Variants in SEC16B observed in about 807,000 individuals in gnomAD.
SEC16B encodes SEC16 homolog B, endoplasmic reticulum export factor.
A neutral mutation model predicts 141.8 loss-of-function variants in SEC16B; 115 were observed. The observed-to-expected ratio is 0.81, with a 90% CI of 0.70 to 0.95. SEC16B has a LOEUF of 0.95. Ranked by LOEUF, SEC16B falls within the 40% of genes least tolerant of loss-of-function variation. The pLI is 0.00. For synonymous variants in SEC16B, 493 were observed against 492.5 expected, an observed-to-expected ratio of 1.00 and a Z score of -0.01; for missense variants, 1,291 against 1,312.3, an observed-to-expected ratio of 0.98 and a Z score of 0.25.
Position 177,946,420 on chromosome 1 carries a change from C to A in SEC16B, c.1775G>T (p.Ser592Ile). Residue 592 changes from serine (S) to isoleucine (I), a missense_variant and splice_region_variant, in exon 14 of 26, where the codon AGT becomes ATT. Coordinates refer to ENST00000308284, the MANE Select transcript of SEC16B (RefSeq NM_033127.4). ...GTTTCCTTTCTCCCAGGTCGCATAC[C>A]TGTGGCTGCTGCCCAGCAAGACCAG... ...DHLVLLGSSHSQEFLKFATTE... is the reference protein window; with the variant it reads ...DHLVLLGSSHIQEFLKFATTE... 1 of 1,560,878 alleles carries A rather than the reference C, an allele frequency of 6.4e-7. No homozygotes were observed. Among genetic ancestry groups the A allele is most frequent in the South Asian group, 1.2e-5 (1 of 84,588 alleles).
chr1:177,938,214 C>G (rs1229006117), intron 18 of SEC16B, among the ~76,000 whole-genome samples: 4 of 152,208 alleles, frequency 2.6e-5, no homozygotes, highest in African/African-American at 9.6e-5. Context: ...ATATCAGTAA[C>G]TTTCTCCAGA....
intron 1 of SEC16B, among the ~76,000 whole-genome samples, chr1:177,977,927 A>G (rs1654241632): frequency 6.6e-6 from 1 of 152,200 alleles, no homozygotes. Context: ...AAGGACTGTG[A>G]TGTGGATGAA....
intron 10 of SEC16B, 23 bp downstream of exon 10, chr1:177,958,100 TCAAAATAAG>T: frequency 1.4e-6 from 2 of 1,419,302 alleles, no homozygotes; most frequent in Admixed American, 2.6e-5. Context: ...GATTGCTTTT[TCAAAATAAG>T]TATGGGGGAA....
chr1:177,941,379 G>A (rs910431586), intron 16 of SEC16B, among the ~76,000 whole-genome samples: 1 of 152,060 alleles, frequency 6.6e-6, no homozygotes, highest in Non-Finnish European at 1.5e-5. Context: ...TTACTCTCTA[G>A]CTAATGGATT....
intron 12 of SEC16B, among the ~76,000 whole-genome samples, chr1:177,950,151 TAA>T (rs10715123): frequency 0.04 from 6,023 of 149,312 alleles, 172 homozygotes; most frequent in East Asian, 0.15. Flanking sequence ...ATAAGAAGGA[TAA>T]AAAAAAAAAA....
intron 20 of SEC16B, among the ~76,000 whole-genome samples, chr1:177,934,417 C>T (rs892067604): frequency 2.0e-5 from 3 of 152,180 alleles, no homozygotes; most frequent in Non-Finnish European, 4.4e-5. Flanking sequence ...GTTATATTTA[C>T]ATTTTTTACT....
chr1:177,981,642 C>T (rs1654421240), intron 1 of SEC16B, among the ~76,000 whole-genome samples: 3 of 152,108 alleles, frequency 2.0e-5, no homozygotes, highest in Non-Finnish European at 4.4e-5. Context: ...AAACCAATCA[C>T]TTTAATAAAA....
chr1:177,929,893 G>A lies in SEC16B; in HGVS notation c.3148C>T (p.Leu1050=). 1.2e-6 allele frequency: 2 copies of A among 1,613,924 alleles called. No homozygotes were observed. The highest frequency in any genetic ancestry group is 1.7e-6 in the Non-Finnish European group (2 of 1,179,880). The change falls in exon 26 of 26, where the codon CTA becomes TTA. Residue 1050 remains leucine (L), a synonymous_variant. Coordinates refer to ENST00000308284, the MANE Select transcript of SEC16B (RefSeq NM_033127.4). ...TGGGTGGGATAGCGACGCTGAGCTA[G>A]GCGATTTGGCCGATTCAGGCTAGTG... The part of the protein sequence containing the change: ...TATSLNRPNR[L]AQRRYPTQPC
chr1:177,955,975 G>T (rs994989035), intron 10 of SEC16B, among the ~76,000 whole-genome samples: 6 of 152,210 alleles, frequency 3.9e-5, no homozygotes, highest in Non-Finnish European at 7.3e-5. Flanking sequence ...AGAAAACTAT[G>T]CCAACATAAG....
rs755170742 is a variant in SEC16B at position 177,944,554 on chromosome 1, C to CA, written c.1881+6dup. On this transcript the variant is annotated splice_region_variant and intron_variant, in intron 15 of 25. Coordinates refer to ENST00000308284, the MANE Select transcript of SEC16B (RefSeq NM_033127.4). Reference sequence around the variant, plus strand: ...TGACGGTGGTGGCCTCATCTGGGCTCAGTTACCTGGAAAGAAGGGATGAAG... The same window carrying CA: ...TGACGGTGGTGGCCTCATCTGGGCTCAAGTTACCTGGAAAGAAGGGATGAAG... 4 of 1,611,174 alleles carry CA rather than the reference C, an allele frequency of 2.5e-6. No individual in the cohort carries two copies. The South Asian group carries it at 4.4e-5, about 18-fold the overall frequency.
At chr1:177,959,058 A>G in intron 8 of SEC16B, 83 bp from the exon 9 acceptor site, 1 of 1,437,070 alleles carries the variant, frequency 7.0e-7, no homozygotes, top group Non-Finnish European at 9.5e-7. Flanking sequence ...CTAAGTGTGC[A>G]AGTGCTGGCT....
chr1:177,961,478 T>C, intron 6 of SEC16B, 112 bp downstream of exon 6: 1 of 1,206,924 alleles, frequency 8.3e-7, no homozygotes, highest in East Asian at 2.4e-5. Context: ...GTGACCTACA[T>C]AAGCAAATGA....
intron 8 of SEC16B, 172 bp from the exon 9 acceptor site, chr1:177,959,147 T>C (rs1037191148): frequency 1.1e-5 from 8 of 718,480 alleles, no homozygotes; most frequent in Non-Finnish European, 1.9e-5. Flanking sequence ...TATTTTCTTA[T>C]AGAACAAGAA....
At position 177,964,919 on chromosome 1, in the gene SEC16B, C is replaced by G. The variant is rs892644807; in HGVS notation, c.533+128G>C. On this transcript the variant is annotated intron_variant, in intron 4 of 25. Transcript: ENST00000308284. ...GCCCATCCTGGGATATTCCCATATCCCTGTGGCTACAACAAAGGTACATGG... is the reference window on the plus strand; with the variant it reads ...GCCCATCCTGGGATATTCCCATATCGCTGTGGCTACAACAAAGGTACATGG... The G allele has an allele frequency of 1.9e-5, 22 of 1,131,006 alleles. No individual in the cohort carries two copies. In the African/African-American group the frequency reaches 3.4e-4, roughly 17 times the overall value. 70.1% of individuals were successfully genotyped at this position (1,131,006 alleles called of 1,614,324 possible).
intron 6 of SEC16B, 46 bp from the exon 7 acceptor site, chr1:177,960,985 T>A (rs763101175): frequency 3.2e-6 from 5 of 1,570,666 alleles, no homozygotes; most frequent in Non-Finnish European, 4.3e-6. Flanking sequence ...GTTACTTCCA[T>A]CACTTTTCTT....
At position 177,965,075 on chromosome 1, in the gene SEC16B, A is replaced by C. The variant is rs1468980650; in HGVS notation, c.505T>G (p.Phe169Val). 2.5e-6 allele frequency: 4 copies of C among 1,613,580 alleles called. No individual in the cohort carries two copies. The highest frequency in any genetic ancestry group is 3.4e-6 in the Non-Finnish European group (4 of 1,179,766). Residue 169 changes from phenylalanine to valine, a missense_variant, in exon 4 of 26, where the codon TTT becomes GTT. Phe to Val is a conservative substitution (Grantham distance 50). Around this residue, in one of 3 missense-constraint regions of SEC16B, gnomAD observed 681 missense variants for 675.5 expected, o/e 1.01. Coordinates refer to ENST00000308284, the MANE Select transcript of SEC16B (RefSeq NM_033127.4). The part of the protein sequence containing the change: ...EHHYENQHSP[F>V]GTNSETHFQS... ...AAGTGGGTCTCACTATTTGTTCCAA[A>C]TGGACTGTGCTGGTTTTCATAATGA...
chr1:177,974,769 T>C (rs1021342851), upstream of SEC16B, among the ~76,000 whole-genome samples: 1 of 152,170 alleles, frequency 6.6e-6, no homozygotes, highest in Non-Finnish European at 1.5e-5. Flanking sequence ...ATGAGGCACT[T>C]GGATTTGAAG....
Position 177,967,766 on chromosome 1 carries a change from A to G in SEC16B, c.216T>C (p.Tyr72=), listed in dbSNP as rs1012572687. The part of the protein sequence containing the change: ...PRADHQQQPH[Y]ASRPGDWHQP... ...GATGCCAGTCCCCTGGCCTGGATGC[A>G]TAATGGGGCTGCTGCTGATGGTCTG... The change falls in exon 2 of 26, where the codon TAT becomes TAC. Residue 72 remains tyrosine (Y), a synonymous_variant. Transcript: ENST00000308284. 13 of 1,613,862 alleles carry G rather than the reference A, an allele frequency of 8.1e-6. No homozygotes were observed. Among genetic ancestry groups the G allele is most frequent in the African/African-American group, 5.3e-5 (4 of 74,934 alleles).
At chr1:177,958,064 A>C (rs1260423954) in intron 10 of SEC16B, 68 bp downstream of exon 10, 10 of 1,069,650 alleles carry the variant, frequency 9.3e-6, no homozygotes, top group Middle Eastern at 2.1e-4. Context: ...TAATTTGAGC[A>C]GCGGTGAGTG....
Sources: gnomAD v4.1 joint callset for allele counts (sites outside exome capture counted in the v4.1 genomes callset) on GRCh38, gnomAD v4.1.1 for gene constraint, gnomAD v4.1.1 regional missense constraint, MANE v1.5 for transcripts, NCBI Gene and HGNC (gene_info 2026-07-23, HGNC 2026-07-21) for gene names.